MAN2B2: variants seen among roughly 807,000 people sequenced by gnomAD.
MAN2B2 encodes mannosidase alpha class 2B member 2.
A neutral mutation model predicts 117.1 loss-of-function variants in MAN2B2; 106 were observed. The ratio of observed to expected loss-of-function variants is 0.90; its 90% CI spans 0.77 to 1.06. The LOEUF (loss-of-function observed/expected upper bound fraction) is 1.06, where lower values mean the gene tolerates loss of function less well. MAN2B2 is among the 50% of genes least tolerant of loss of function. MAN2B2 has a pLI of 0.00. For synonymous variants in MAN2B2, 544 were observed against 595.1 expected (o/e 0.91, Z 1.25); for missense variants, 1,326 against 1,381.4 (o/e 0.96, Z 0.64).
intron 4 of MAN2B2, among the ~76,000 whole-genome samples, chr4:6,588,281 G>A (rs1049514651): frequency 3.9e-5 from 6 of 152,192 alleles, no homozygotes; most frequent in African/African-American, 1.4e-4. Context: ...TCCTTGGCTT[G>A]TGGATGCCCC....
At chr4:6,577,510 C>A (rs748563842) in intron 2 of MAN2B2, among the ~76,000 whole-genome samples, 1 of 152,190 alleles carries the variant, frequency 6.6e-6, no homozygotes, top group Non-Finnish European at 1.5e-5. Flanking sequence ...GGGAAGGAGC[C>A]GGACATCCAA....
chr4:6,613,699 A>T (rs567848638), intron 15 of MAN2B2, among the ~76,000 whole-genome samples: 1 of 121,496 alleles, frequency 8.2e-6, no homozygotes, highest in Non-Finnish European at 1.7e-5. Flanking sequence ...GAAGGAAGGA[A>T]GGAAGTGAGG....
chr4:6,602,693 A>G (rs940439855), intron 10 of MAN2B2, among the ~76,000 whole-genome samples: 4 of 148,104 alleles, frequency 2.7e-5, no homozygotes, highest in African/African-American at 1.0e-4. Context: ...TTTTTGAGAC[A>G]AAGTCTCACC....
chr4:6,593,017 T>A (rs895766164), intron 5 of MAN2B2, among the ~76,000 whole-genome samples, 156 bp from the exon 6 acceptor site: 1 of 152,170 alleles, frequency 6.6e-6, no homozygotes, highest in Non-Finnish European at 1.5e-5. Context: ...AGCAAACAAA[T>A]CTGTGACCCA....
At chr4:6,613,734 G>T (rs976108679) in intron 15 of MAN2B2, among the ~76,000 whole-genome samples, 3 of 139,862 alleles carry the variant, frequency 2.1e-5, no homozygotes, top group South Asian at 5.4e-4. Flanking sequence ...GAAGGGAACG[G>T]AAGGGAGGGG....
intron 3 of MAN2B2, among the ~76,000 whole-genome samples, chr4:6,584,241 T>C (rs868409323): frequency 8.5e-5 from 13 of 152,144 alleles, no homozygotes; most frequent in African/African-American, 3.1e-4. Context: ...CTTAAGAACA[T>C]TTACTTAACA....
intron 6 of MAN2B2, among the ~76,000 whole-genome samples, chr4:6,594,124 T>A (rs1726972138): frequency 1.3e-5 from 2 of 152,088 alleles, no homozygotes; most frequent in Admixed American, 1.3e-4. Flanking sequence ...ATGATTTGGA[T>A]AAGTAGTAAC....
At position 6,606,390 on chromosome 4, in the gene MAN2B2, T is replaced by C. The variant is rs187138674; in HGVS notation, c.1814+1061T>C. Among the ~76,000 whole-genome samples the C allele has an allele frequency of 2.0e-3, 298 of 152,210 alleles. 1 individual carries two copies. Among genetic ancestry groups the C allele is most frequent in the African/African-American group, 6.8e-3 (283 of 41,528 alleles). ...CATGGGTGGCTGGCAAGGGGGGAGT[T>C]GGGCAGAGGAGCTGCAGAAATGGGA... On this transcript the variant is annotated intron_variant, in intron 11 of 18. Coordinates refer to ENST00000285599, the MANE Select transcript of MAN2B2 (RefSeq NM_015274.3).
chr4:6,613,575 C>CAAGGAAGG (rs751318063), intron 15 of MAN2B2, among the ~76,000 whole-genome samples: 1 of 116,448 alleles, frequency 8.6e-6, no homozygotes, highest in African/African-American at 3.4e-5. Flanking sequence ...TCCCTATCTA[C>CAAGGAAGG]AAGGAAGGAA....
At position 6,593,352 on chromosome 4, in the gene MAN2B2, T is replaced by C; in HGVS notation, c.858+2T>C. 2 of 1,610,508 alleles carry C rather than the reference T, an allele frequency of 1.2e-6. No homozygotes were observed. The highest frequency in any genetic ancestry group is 1.7e-6 in the Non-Finnish European group (2 of 1,178,442). On this transcript the variant is annotated splice_donor_variant, in intron 6 of 18. Coordinates refer to ENST00000285599, the MANE Select transcript of MAN2B2 (RefSeq NM_015274.3). LOFTEE classifies it high-confidence loss of function. ...ACACCGCACGTCCTCTGGCCCTGGG[T>C]AAGGCAGAGTCCCAGGTGCTGTGCC...
In MAN2B2 at chr4:6,608,638, C is replaced by T. The variant is rs560811243; in HGVS notation, c.1815-469C>T. ...TCACAACTTCCAGCCTCGGATGCCTCGGGAGTGGGATGGGTTAACAGTCCC... is the reference window on the plus strand; with the variant it reads ...TCACAACTTCCAGCCTCGGATGCCTTGGGAGTGGGATGGGTTAACAGTCCC... On this transcript the variant is annotated intron_variant, in intron 11 of 18. Transcript: ENST00000285599. 5.3e-5 allele frequency among the ~76,000 whole-genome samples: 8 copies of T among 152,246 alleles called. No homozygotes were observed. In the East Asian group the frequency reaches 7.7e-4, roughly 15 times the overall value.
chr4:6,613,826 A>G (rs1317702271), intron 15 of MAN2B2, among the ~76,000 whole-genome samples: 1 of 137,242 alleles, frequency 7.3e-6, no homozygotes, highest in Non-Finnish European at 1.6e-5. Flanking sequence ...GGAAGGAAGG[A>G]AGGAAAAAAG....
intron 16 of MAN2B2, among the ~76,000 whole-genome samples, chr4:6,616,032 G>A (rs1408379183): frequency 6.6e-6 from 1 of 152,140 alleles, no homozygotes; most frequent in Non-Finnish European, 1.5e-5. Context: ...TCAAACTCCT[G>A]ACAGCAGGCA....
At chr4:6,584,374 C>T (rs7696039) in intron 3 of MAN2B2, among the ~76,000 whole-genome samples, 1 of 152,188 alleles carries the variant, frequency 6.6e-6, no homozygotes, top group African/African-American at 2.4e-5. Flanking sequence ...ACACCACATT[C>T]AAGGCAGTAA....
At chr4:6,600,581 G>T (rs763631959) in intron 9 of MAN2B2, 42 bp from the exon 10 acceptor site, 55 of 1,604,862 alleles carry the variant, frequency 3.4e-5, no homozygotes, top group Non-Finnish European at 6.8e-6. Flanking sequence ...ATTCCAGAAG[G>T]TGAGTCACAT....
chr4:6,608,211 G>A (rs1727623075), intron 11 of MAN2B2, among the ~76,000 whole-genome samples: 1 of 152,156 alleles, frequency 6.6e-6, no homozygotes, highest in Non-Finnish European at 1.5e-5. Context: ...CCCTGGGGGA[G>A]CTTTTTAAAA....
At position 6,622,505 on chromosome 4, in the gene MAN2B2, C is replaced by G. The variant is rs1321300582; in HGVS notation, c.*1220C>G. ...CCAGGCTGGAGTGCAGTGTCAAGAT[C>G]TCAGCTCACTGCGACCTGCACCTCC... On this transcript the variant is annotated 3_prime_UTR_variant, in exon 19 of 19. Transcript: ENST00000285599. 4 of 150,360 alleles carry G rather than the reference C, an allele frequency of 2.7e-5. No homozygotes were observed. Among genetic ancestry groups the G allele is most frequent in the African/African-American group, 9.8e-5 (4 of 40,968 alleles). 9.3% of individuals were successfully genotyped at this position (150,360 alleles called of 1,614,324 possible).
At chr4:6,587,194 C>T (rs369340598) in intron 4 of MAN2B2, 26 bp downstream of exon 4, 3 of 1,602,318 alleles carry the variant, frequency 1.9e-6, no homozygotes, top group Non-Finnish European at 2.6e-6. Flanking sequence ...CGTCTGCTGC[C>T]GCCCAGCGAC....
chr4:6,609,032 G>C (rs1000734358), intron 11 of MAN2B2, 75 bp from the exon 12 acceptor site: 33 of 1,419,692 alleles, frequency 2.3e-5, no homozygotes, highest in Non-Finnish European at 2.9e-5. Flanking sequence ...CATCTGGAGA[G>C]AGAGGCTTGC....
Sources: gnomAD v4.1 joint callset for allele counts (sites outside exome capture counted in the v4.1 genomes callset) on GRCh38, gnomAD v4.1.1 for gene constraint, MANE v1.5 for transcripts, NCBI Gene and HGNC (gene_info 2026-07-23, HGNC 2026-07-21) for gene names.